Variants in KDM4C observed in about 807,000 individuals in gnomAD.
The protein encoded by KDM4C is lysine demethylase 4C, also known as lysine-specific demethylase 4C.
A neutral mutation model predicts 129.3 loss-of-function variants in KDM4C; 81 were observed. The ratio of observed to expected loss-of-function variants is 0.63; its 90% CI spans 0.52 to 0.75. The LOEUF is 0.75. Among genes scored for constraint, KDM4C ranks in the 30% least tolerant of loss-of-function variants. The probability of loss-of-function intolerance (pLI) is 0.00; values close to 1 mark genes in which losing one functional copy is unlikely to be tolerated. For missense variants in KDM4C, 1,457 were observed against 1,304.0 expected (o/e 1.12, Z -1.81); for synonymous variants, 573 against 456.1 (o/e 1.26, Z -3.26).
Position 6,811,030 on chromosome 9 carries a change from G to T in KDM4C, c.321-3601G>T, listed in dbSNP as rs576617407. Among the ~76,000 whole-genome samples, 7 of 152,296 alleles carry T rather than the reference G, an allele frequency of 4.6e-5. 1 individual carries two copies. The South Asian group carries it at 1.2e-3, about 27-fold the overall frequency. ...AATTTATTTCAAATGCCAAGGAAAT[G>T]GATTTCTAAGCCTCAAGAACCAATG... On this transcript the variant is annotated intron_variant, in intron 3 of 21. Transcript: ENST00000381309.
intron 4 of KDM4C, among the ~76,000 whole-genome samples, chr9:6,824,432 G>A (rs762444873): frequency 5.0e-4 from 76 of 152,194 alleles, no homozygotes; most frequent in Middle Eastern, 6.8e-3. Context: ...GGGTGAAGAG[G>A]GTTCAGGTGA....
At chr9:6,865,085 T>C (rs1053331385) in intron 5 of KDM4C, among the ~76,000 whole-genome samples, 2 of 150,702 alleles carry the variant, frequency 1.3e-5, no homozygotes, top group Admixed American at 6.6e-5. Flanking sequence ...CTCGGCTCAC[T>C]GCAAGCTCTG....
At position 6,920,598 on chromosome 9, in the gene KDM4C, A is replaced by G. The variant is rs1007838355; in HGVS notation, c.921+27366A>G. 3.3e-5 allele frequency among the ~76,000 whole-genome samples: 5 copies of G among 152,274 alleles called. No homozygotes were observed. In the East Asian group the frequency reaches 9.6e-4, roughly 29 times the overall value. On this transcript the variant is annotated intron_variant, in intron 8 of 21. Coordinates refer to ENST00000381309, the MANE Select transcript of KDM4C (RefSeq NM_015061.6). ...AATATAAAGAAATAGAAACTTGTAT[A>G]TCATCCTGACAAAATAGGTTATTGG... is the stretch of plus-strand genomic sequence containing the variant.
At chr9:6,894,210 T>C (rs1467129364) in intron 8 of KDM4C, among the ~76,000 whole-genome samples, 2 of 152,220 alleles carry the variant, frequency 1.3e-5, no homozygotes, top group African/African-American at 2.4e-5. Context: ...AATTGCATAA[T>C]ATATTAAAAG....
intron 17 of KDM4C, among the ~76,000 whole-genome samples, chr9:7,060,363 GTTC>G (rs1261104044): frequency 6.6e-6 from 1 of 151,220 alleles, no homozygotes. Flanking sequence ...ACTGTTAACT[GTTC>G]TTCTCCCTCT....
At chr9:6,927,083 A>G (rs923670460) in intron 8 of KDM4C, among the ~76,000 whole-genome samples, 1 of 134,048 alleles carries the variant, frequency 7.5e-6, no homozygotes, top group Non-Finnish European at 1.6e-5. Context: ...CCTTTCAAAA[A>G]AAATTTTCTA....
At chr9:7,117,882 A>G (rs1037891433) in intron 18 of KDM4C, among the ~76,000 whole-genome samples, 2 of 152,194 alleles carry the variant, frequency 1.3e-5, no homozygotes, top group Admixed American at 1.3e-4. Flanking sequence ...GCAGTGGCCC[A>G]CTACCAGCTC....
intron 5 of KDM4C, among the ~76,000 whole-genome samples, chr9:6,871,850 C>A (rs1189164460): frequency 6.6e-6 from 1 of 152,018 alleles, no homozygotes; most frequent in Non-Finnish European, 1.5e-5. Flanking sequence ...GAACTCAAGA[C>A]CTATCAAGAC....
intron 5 of KDM4C, among the ~76,000 whole-genome samples, chr9:6,855,880 A>G (rs1452218483): frequency 6.6e-6 from 1 of 152,086 alleles, no homozygotes; most frequent in African/African-American, 2.4e-5. Flanking sequence ...TCATTCATTC[A>G]TTCGTTCATT....
chr9:7,148,135 GCAGCTTCTGCTGTGGATAT>G (rs935540117), intron 19 of KDM4C, among the ~76,000 whole-genome samples: 5 of 152,266 alleles, frequency 3.3e-5, no homozygotes, highest in African/African-American at 4.8e-5. Context: ...TATACGACAA[GCAGCTTCTGCTGTGGATAT>G]CAGCATCCGG....
chr9:6,837,229 T>C (rs1157401204), intron 4 of KDM4C, among the ~76,000 whole-genome samples: 4 of 152,128 alleles, frequency 2.6e-5, no homozygotes, highest in African/African-American at 9.7e-5. Flanking sequence ...AACTAATTTT[T>C]GTATTTTTTG....
intron 5 of KDM4C, among the ~76,000 whole-genome samples, chr9:6,870,788 A>G (rs573250141): frequency 1.3e-5 from 2 of 151,720 alleles, no homozygotes; most frequent in Admixed American, 6.6e-5. Context: ...AAGCAGAAAC[A>G]TAAATAAGGG....
rs760609811 is a variant in KDM4C at position 7,084,060 on chromosome 9, T to A, written c.2425-19625T>A. Among the ~76,000 whole-genome samples the A allele has an allele frequency of 6.6e-5, 10 of 152,304 alleles. No homozygotes were observed. The South Asian group carries it at 1.9e-3, about 28-fold the overall frequency. ...GCTCTGGGTAACCTAGTGTTTGCTG[T>A]CTTAGAACATTTTAGTGAAAATAAG... is the stretch of plus-strand genomic sequence containing the variant. On this transcript the variant is annotated intron_variant, in intron 17 of 21. Coordinates refer to ENST00000381309, the MANE Select transcript of KDM4C (RefSeq NM_015061.6).
intron 11 of KDM4C, among the ~76,000 whole-genome samples, chr9:6,987,555 G>C (rs932942649): frequency 6.6e-6 from 1 of 152,112 alleles, no homozygotes; most frequent in Non-Finnish European, 1.5e-5. Flanking sequence ...GGTTGCGCTG[G>C]CTGCAGAACA....
intron 20 of KDM4C, among the ~76,000 whole-genome samples, chr9:7,167,055 G>A (rs1340408454): frequency 6.6e-6 from 1 of 152,114 alleles, no homozygotes; most frequent in Admixed American, 6.5e-5. Flanking sequence ...AATATCCTAG[G>A]CATATGCGTT....
intron 6 of KDM4C, among the ~76,000 whole-genome samples, chr9:6,885,277 G>A (rs1411439419): frequency 1.3e-5 from 2 of 152,176 alleles, no homozygotes. Flanking sequence ...ACTATGTGTA[G>A]ACTTGTTTTT....
chr9:6,752,184 T>A (rs545666304), intron 1 of KDM4C, among the ~76,000 whole-genome samples: 1 of 149,880 alleles, frequency 6.7e-6, no homozygotes, highest in Non-Finnish European at 1.5e-5. Context: ...ATACAAAAAA[T>A]TAGCCGGGCA....
At chr9:6,900,776 G>C (rs529994949) in intron 8 of KDM4C, among the ~76,000 whole-genome samples, 1 of 152,240 alleles carries the variant, frequency 6.6e-6, no homozygotes, top group African/African-American at 2.4e-5. Flanking sequence ...TAAGGCGGTA[G>C]GGGTGAGAGC....
intron 12 of KDM4C, among the ~76,000 whole-genome samples, chr9:7,008,575 G>GGTCT (rs1822108303): frequency 1.3e-5 from 2 of 152,310 alleles, no homozygotes; most frequent in South Asian, 4.2e-4. Flanking sequence ...TACCATAGAA[G>GGTCT]ACCCTGGCAT....
Sources: allele counts gnomAD v4.1 joint callset (sites outside exome capture counted in the v4.1 genomes callset), GRCh38; gene constraint gnomAD v4.1.1; transcripts MANE v1.5; gene names NCBI Gene and HGNC (gene_info 2026-07-23, HGNC 2026-07-21).